FKBP5: variants seen among roughly 807,000 people sequenced by gnomAD.
FKBP5 encodes FKBP prolyl isomerase 5, also known as peptidyl-prolyl cis-trans isomerase FKBP5.
FKBP5 carries 23 observed loss-of-function variants against 50.5 expected under a neutral mutation model. The observed-to-expected ratio is 0.46, with a 90% CI of 0.33 to 0.65. FKBP5 has a LOEUF of 0.65. Ranked by LOEUF, FKBP5 falls within the 30% of genes least tolerant of loss-of-function variation. The pLI is 0.02. For missense variants in FKBP5, 411 were observed against 553.1 expected (o/e 0.74, Z 2.58); for synonymous variants, 176 against 190.6 (o/e 0.92, Z 0.63).
intron 1 of FKBP5, among the ~76,000 whole-genome samples, chr6:35,679,016 A>G (rs900108508): frequency 2.0e-5 from 3 of 152,220 alleles, no homozygotes; most frequent in African/African-American, 7.2e-5. Context: ...TTAGGAGGTC[A>G]AGGCTGCAGC....
intron 1 of FKBP5, among the ~76,000 whole-genome samples, chr6:35,646,383 C>A (rs764532072): frequency 6.6e-6 from 1 of 152,094 alleles, no homozygotes; most frequent in South Asian, 2.1e-4. Flanking sequence ...ATAATTAAAA[C>A]ACAAAGATAA....
At chr6:35,663,707 C>A (rs1049540064) in intron 1 of FKBP5, among the ~76,000 whole-genome samples, 1 of 152,238 alleles carries the variant, frequency 6.6e-6, no homozygotes, top group African/African-American at 2.4e-5. Flanking sequence ...GCATAGCTCA[C>A]TCCCTCACTC....
chr6:35,674,200 A>T (rs1453266203), intron 1 of FKBP5, among the ~76,000 whole-genome samples: 1 of 152,232 alleles, frequency 6.6e-6, no homozygotes. Context: ...GAAAGCCAAA[A>T]ACATTTACAA....
chr6:35,702,383 A>T (rs1166784218), intron 2 of FKBP5, among the ~76,000 whole-genome samples: 1 of 151,324 alleles, frequency 6.6e-6, no homozygotes, highest in African/African-American at 2.4e-5. Flanking sequence ...AAAAAAAGAC[A>T]GAAAAGAAAA....
At chr6:35,613,495 C>T (rs563235567) in intron 5 of FKBP5, among the ~76,000 whole-genome samples, 8 of 152,146 alleles carry the variant, frequency 5.3e-5, no homozygotes, top group Admixed American at 1.3e-4. Context: ...GGATTACAGG[C>T]GTGAGCCACC....
chr6:35,588,599 CTT>C (rs749370755), intron 7 of FKBP5, among the ~76,000 whole-genome samples: 3 of 151,044 alleles, frequency 2.0e-5, no homozygotes, highest in African/African-American at 4.9e-5. Context: ...ACAGGATACT[CTT>C]TTATTTTTTC....
intron 2 of FKBP5, among the ~76,000 whole-genome samples, chr6:35,698,071 G>C (rs1344455678): frequency 6.6e-6 from 1 of 152,184 alleles, no homozygotes; most frequent in African/African-American, 2.4e-5. Context: ...GGCTGGGTGT[G>C]TTGGCTCACG....
At chr6:35,656,895 CAAAAAAA>C (rs35579361) in intron 1 of FKBP5, among the ~76,000 whole-genome samples, 14 of 111,020 alleles carry the variant, frequency 1.3e-4, no homozygotes, top group African/African-American at 4.8e-4. Context: ...GACTCCGTCT[CAAAAAAA>C]AAAAAAAGAA....
At chr6:35,619,258 A>T (rs891010820) in intron 4 of FKBP5, 48 bp from the exon 5 acceptor site, 15 of 1,325,180 alleles carry the variant, frequency 1.1e-5, no homozygotes, top group Non-Finnish European at 1.6e-5. Context: ...AATAAAGCCA[A>T]CTGAACATAT....
At chr6:35,657,856 T>C (rs1182819387) in intron 1 of FKBP5, among the ~76,000 whole-genome samples, 1 of 152,172 alleles carries the variant, frequency 6.6e-6, no homozygotes, top group Non-Finnish European at 1.5e-5. Context: ...TAAAATAAAA[T>C]TTAACATTTT....
At position 35,600,647 on chromosome 6, in the gene FKBP5, A is replaced by AT. The variant is rs529211836; in HGVS notation, c.509-3244dup. The stretch of plus-strand genomic sequence containing the variant: ...TAGTAGCTCACAACTTAGTTAACAG[A>AT]TTTTTTTTGTCTGAAGTTTATTGTT... On this transcript the variant is annotated intron_variant, in intron 5 of 10. Coordinates refer to ENST00000357266, the MANE Select transcript of FKBP5 (RefSeq NM_004117.4). Among the ~76,000 whole-genome samples the AT allele has an allele frequency of 2.3e-4, 35 of 151,936 alleles. No homozygotes were observed. In the East Asian group the frequency reaches 4.6e-3, roughly 20 times the overall value.
chr6:35,688,233 C>T (rs537853796), intron 1 of FKBP5, among the ~76,000 whole-genome samples: 1 of 152,334 alleles, frequency 6.6e-6, no homozygotes, highest in Admixed American at 6.5e-5. Flanking sequence ...CCACCATCCC[C>T]TTCACAGCCC....
At chr6:35,616,539 G>A (rs1300754539) in intron 5 of FKBP5, among the ~76,000 whole-genome samples, 1 of 151,902 alleles carries the variant, frequency 6.6e-6, no homozygotes. Flanking sequence ...AAGGGAACGC[G>A]CTATACTAGT....
At chr6:35,673,061 T>TA (rs1412394939) in intron 1 of FKBP5, among the ~76,000 whole-genome samples, 2 of 152,046 alleles carry the variant, frequency 1.3e-5, no homozygotes, top group African/African-American at 2.4e-5. Flanking sequence ...GATTGGGAAT[T>TA]AACATTATAT....
chr6:35,649,042 G>A (rs1764709961), intron 1 of FKBP5, among the ~76,000 whole-genome samples: 1 of 152,088 alleles, frequency 6.6e-6, no homozygotes, highest in Non-Finnish European at 1.5e-5. Context: ...ACAAAGTCAG[G>A]AGATCGAGAC....
chr6:35,611,153 T>A (rs1763479967), intron 5 of FKBP5, among the ~76,000 whole-genome samples: 1 of 152,192 alleles, frequency 6.6e-6, no homozygotes, highest in African/African-American at 2.4e-5. Context: ...TTGGTTCAAC[T>A]TCATCAACTT....
chr6:35,663,686 C>G (rs1281116072), intron 1 of FKBP5, among the ~76,000 whole-genome samples: 3 of 152,310 alleles, frequency 2.0e-5, no homozygotes, highest in East Asian at 3.9e-4. Flanking sequence ...GGAACTCTTC[C>G]CTGGTTAGCT....
intron 8 of FKBP5, chr6:35,585,692 T>G (rs1762577245): frequency 1.1e-6 from 1 of 950,490 alleles, no homozygotes. Flanking sequence ...AAAATTTGTT[T>G]GAATACCACC....
chr6:35,644,368 CAA>C (rs1764574244), intron 1 of FKBP5, among the ~76,000 whole-genome samples: 1 of 152,212 alleles, frequency 6.6e-6, no homozygotes, highest in Non-Finnish European at 1.5e-5. Context: ...TCTACAGAGT[CAA>C]AGAGTCTTTC....
Sources: allele counts gnomAD v4.1 joint callset (sites outside exome capture counted in the v4.1 genomes callset), GRCh38; gene constraint gnomAD v4.1.1; transcripts MANE v1.5; gene names NCBI Gene and HGNC (gene_info 2026-07-23, HGNC 2026-07-21).